The following IQUB variants were observed in gnomAD, a reference collection of about 807,000 sequenced individuals.
The protein encoded by IQUB is IQ motif and ubiquitin domain containing, also known as IQ motif and ubiquitin-like domain-containing protein.
Under a neutral mutation model 86.4 loss-of-function variants are expected in IQUB, and 86 were observed. The ratio of observed to expected loss-of-function variants is 1.00; its 90% CI spans 0.84 to 1.19. IQUB has a LOEUF of 1.19. Ranked by LOEUF, IQUB falls within the 50% of genes most tolerant of loss-of-function variation. The pLI is 0.00. For synonymous variants in IQUB, 289 were observed against 304.5 expected (o/e 0.95, Z 0.53); for missense variants, 946 against 916.9 (o/e 1.03, Z -0.41).
Position 123,457,533 on chromosome 7 carries a change from A to G in IQUB, c.2041T>C (p.Trp681Arg). Residue 681 changes from tryptophan to arginine, a missense_variant, in exon 12 of 13, where the codon TGG becomes CGG. By Grantham distance (101) the Trp-to-Arg change is moderately radical. Coordinates refer to ENST00000324698, the MANE Select transcript of IQUB (RefSeq NM_178827.5). The part of the protein sequence containing the change: ...QDIQYLTENI[W>R]ASQSVLSACD... ...GCACTGAGGACTGACTGGGACGCCCAGATGTTCTCTGTCAGGTACTGAATG... is the reference window on the plus strand; with the variant it reads ...GCACTGAGGACTGACTGGGACGCCCGGATGTTCTCTGTCAGGTACTGAATG... The G allele has an allele frequency of 6.2e-7, 1 of 1,608,232 alleles. No homozygotes were observed.
chr7:123,463,096 A>G (rs1327734076), intron 10 of IQUB, among the ~76,000 whole-genome samples: 1 of 151,756 alleles, frequency 6.6e-6, no homozygotes, highest in Non-Finnish European at 1.5e-5. Flanking sequence ...CCCCCAAAAA[A>G]GAAGTACAGG....
chr7:123,506,416 G>A (rs1451636481), intron 3 of IQUB, among the ~76,000 whole-genome samples: 2 of 152,088 alleles, frequency 1.3e-5, no homozygotes, highest in Non-Finnish European at 2.9e-5. Flanking sequence ...CTTAAGATTG[G>A]GTAATTTTTA....
Position 123,452,377 on chromosome 7 carries a change from A to C in IQUB, c.*366T>G, listed in dbSNP as rs2116914588. The C allele has an allele frequency of 6.4e-6, 1 of 156,006 alleles. No homozygotes were observed. The highest frequency in any genetic ancestry group is 2.0e-4 in the South Asian group (1 of 4,910). 9.7% of individuals were successfully genotyped at this position (156,006 alleles called of 1,614,324 possible). A position where few individuals can be genotyped will look rare whatever the true frequency, so the allele number is the denominator to read the frequency against. ...ACATACTGATTAGCTTCCTATAACTACATTCTATCTAAAATAAATAACTTG... is the reference window on the plus strand; with the variant it reads ...ACATACTGATTAGCTTCCTATAACTCCATTCTATCTAAAATAAATAACTTG... On this transcript the variant is annotated 3_prime_UTR_variant, in exon 13 of 13. Coordinates refer to ENST00000324698, the MANE Select transcript of IQUB (RefSeq NM_178827.5).
At chr7:123,530,117 G>A (rs541767792) in intron 1 of IQUB, among the ~76,000 whole-genome samples, 293 of 152,202 alleles carry the variant, frequency 1.9e-3, no homozygotes, top group Non-Finnish European at 3.1e-3. Flanking sequence ...GCTGAAACAC[G>A]GATCACTTGA....
chr7:123,506,317 C>A (rs1298459452), intron 3 of IQUB, among the ~76,000 whole-genome samples: 2 of 152,188 alleles, frequency 1.3e-5, no homozygotes, highest in African/African-American at 4.8e-5. Context: ...AAAGCTGCTT[C>A]CATATTTTCA....
At position 123,487,268 on chromosome 7, in the gene IQUB, C is replaced by A. The variant is rs138800094; in HGVS notation, c.1235-7298G>T. On this transcript the variant is annotated intron_variant, in intron 7 of 12. Transcript: ENST00000324698. ...ACTATGAGTCAATTTAATCTCTTTT[C>A]TTTATAAATTACCCAGTATCAGATA... Among the ~76,000 whole-genome samples, 4 of 152,288 alleles carry A rather than the reference C, an allele frequency of 2.6e-5. No homozygotes were observed. The East Asian group carries it at 7.7e-4, about 29-fold the overall frequency.
At chr7:123,520,753 G>C (rs910715445) in intron 1 of IQUB, among the ~76,000 whole-genome samples, 1 of 152,078 alleles carries the variant, frequency 6.6e-6, no homozygotes, top group Non-Finnish European at 1.5e-5. Flanking sequence ...ATCTATTGTA[G>C]TAACCTTGAC....
chr7:123,477,315 C>T (rs956139433), intron 8 of IQUB, among the ~76,000 whole-genome samples: 2 of 152,056 alleles, frequency 1.3e-5, no homozygotes, highest in Admixed American at 1.3e-4. Context: ...CTTTGACAAA[C>T]CTGACAAAAA....
intron 7 of IQUB, among the ~76,000 whole-genome samples, chr7:123,493,339 ATCTC>A (rs1324551073): frequency 6.6e-6 from 1 of 152,084 alleles, no homozygotes; most frequent in Non-Finnish European, 1.5e-5. Context: ...ACCTCTTCAA[ATCTC>A]TCCTAGCCCT....
At position 123,462,616 on chromosome 7, in the gene IQUB, G is replaced by A. The variant is rs1200659075; in HGVS notation, c.1759-1011C>T. The stretch of plus-strand genomic sequence containing the variant: ...TCGAGAGAAAAGAAGAGTGATCTAG[G>A]TGTATGATCAAAGATCAAGAAGACA... On this transcript the variant is annotated intron_variant, in intron 10 of 12. Coordinates refer to ENST00000324698, the MANE Select transcript of IQUB (RefSeq NM_178827.5). 1.2e-5 allele frequency: 3 copies of A among 250,204 alleles called. No individual in the cohort carries two copies. In the Admixed American group the frequency reaches 1.3e-4, roughly 11 times the overall value. The allele number at this position is 250,204 out of a possible 1,614,324, so 15.5% of individuals were successfully genotyped here.
intron 1 of IQUB, among the ~76,000 whole-genome samples, chr7:123,534,227 G>A (rs1425099772): frequency 6.6e-6 from 1 of 152,214 alleles, no homozygotes; most frequent in East Asian, 1.9e-4. Flanking sequence ...AGGGTGTGAG[G>A]TGAGGTGTAC....
At chr7:123,526,402 T>C (rs556845623) in intron 1 of IQUB, among the ~76,000 whole-genome samples, 51 of 152,310 alleles carry the variant, frequency 3.3e-4, no homozygotes, top group African/African-American at 1.1e-3. Flanking sequence ...TGGGTGCATA[T>C]ATATTTAGGT....
chr7:123,461,480 G>A lies in IQUB; in HGVS notation c.1884C>T (p.Cys628=). Residue 628 remains cysteine (C), a synonymous_variant, in exon 11 of 13, where the codon TGC becomes TGT. Transcript: ENST00000324698. ...TTTGAGCCTCATTCTGAAGGTTAAT[G>A]CAGTTACGACACCGGTATATGCGGC... ...TSRRIYRCRN[C]INLQNEAQKR... The A allele has an allele frequency of 6.2e-7, 1 of 1,612,458 alleles. No individual in the cohort carries two copies. The highest frequency in any genetic ancestry group is 1.3e-5 in the African/African-American group (1 of 74,898).
Position 123,503,229 on chromosome 7 carries a change from G to A in IQUB, c.667C>T (p.Gln223Ter). 6.2e-7 allele frequency: 1 copy of A among 1,611,980 alleles called. No individual in the cohort carries two copies. The highest frequency in any genetic ancestry group is 8.5e-7 in the Non-Finnish European group (1 of 1,179,062). The change falls in exon 4 of 13, where the codon CAA becomes TAA. Residue 223 changes from glutamine (Q) to a stop codon, truncating the protein, a stop_gained. Transcript: ENST00000324698. LOFTEE classifies it high-confidence loss of function. Reference sequence around the variant, plus strand: ...GTTTGGACAGTGACAGTTATGATTTGAGAGACATCAGTTAATCCATCTATT... The same window carrying A: ...GTTTGGACAGTGACAGTTATGATTTAAGAGACATCAGTTAATCCATCTATT... ...RRIDGLTDVS[Q>*]IITVTVQTGL...
chr7:123,480,691 T>C (rs1002509768), intron 7 of IQUB, among the ~76,000 whole-genome samples: 1 of 152,134 alleles, frequency 6.6e-6, no homozygotes, highest in African/African-American at 2.4e-5. Flanking sequence ...AGGACCCAAA[T>C]TGATATAGTT....
intron 3 of IQUB, among the ~76,000 whole-genome samples, chr7:123,506,209 G>C (rs1796169715): frequency 6.6e-6 from 1 of 152,084 alleles, no homozygotes; most frequent in Non-Finnish European, 1.5e-5. Context: ...CAGCATTTTG[G>C]TCACAACAAT....
intron 11 of IQUB, among the ~76,000 whole-genome samples, chr7:123,459,169 C>T (rs1357972): frequency 0.32 from 48,676 of 151,618 alleles, 8,010 homozygotes; most frequent in African/African-American, 0.39. Context: ...AGATACGGTA[C>T]TGAAATTAAA....
chr7:123,471,980 G>A (rs1241847612), intron 8 of IQUB, among the ~76,000 whole-genome samples: 1 of 152,140 alleles, frequency 6.6e-6, no homozygotes, highest in Non-Finnish European at 1.5e-5. Flanking sequence ...GCTCACACCT[G>A]TAATTTCAGC....
intron 7 of IQUB, among the ~76,000 whole-genome samples, chr7:123,493,721 ATGTGTGTG>A (rs753344642): frequency 1.6e-5 from 2 of 128,346 alleles, no homozygotes; most frequent in South Asian, 5.0e-4. Flanking sequence ...CCTGAGAGAA[ATGTGTGTG>A]TATGTGTGTG....
Sources: allele counts gnomAD v4.1 joint callset (sites outside exome capture counted in the v4.1 genomes callset), GRCh38; gene constraint gnomAD v4.1.1; transcripts MANE v1.5; gene names NCBI Gene and HGNC (gene_info 2026-07-23, HGNC 2026-07-21).